STXBP6: variants seen among roughly 807,000 people sequenced by gnomAD.
The protein encoded by STXBP6 is syntaxin binding protein 6.
A neutral mutation model predicts 26.9 loss-of-function variants in STXBP6; 21 were observed. The ratio of observed to expected loss-of-function variants is 0.78; its 90% CI spans 0.55 to 1.12. The LOEUF is 1.12. Ranked by LOEUF, STXBP6 falls within the 50% of genes most tolerant of loss-of-function variation. STXBP6 has a pLI of 0.00. For missense variants in STXBP6, 232 were observed against 257.9 expected (o/e 0.90, Z 0.69); for synonymous variants, 97 against 92.6 (o/e 1.05, Z -0.27).
intron 4 of STXBP6, among the ~76,000 whole-genome samples, chr14:24,845,848 G>A (rs2068943478): frequency 6.6e-6 from 1 of 152,160 alleles, no homozygotes; most frequent in African/African-American, 2.4e-5. Context: ...CAGAGAAAGA[G>A]ATTTGAGGAT....
chr14:25,027,955 C>T (rs2075378136), intron 1 of STXBP6, among the ~76,000 whole-genome samples: 1 of 152,210 alleles, frequency 6.6e-6, no homozygotes, highest in Non-Finnish European at 1.5e-5. Flanking sequence ...CTCTAACTCT[C>T]TTCAATTCTA....
At chr14:24,842,661 CTCTTT>C (rs563001816) in intron 4 of STXBP6, among the ~76,000 whole-genome samples, 1 of 150,694 alleles carries the variant, frequency 6.6e-6, no homozygotes, top group African/African-American at 2.5e-5. Flanking sequence ...ACTTACTTTT[CTCTTT>C]TTTTTTTAAC....
At chr14:24,889,716 T>G (rs1812781828) in intron 2 of STXBP6, among the ~76,000 whole-genome samples, 1 of 151,996 alleles carries the variant, frequency 6.6e-6, no homozygotes, top group African/African-American at 2.4e-5. Context: ...CTCCCAAAAA[T>G]AGGGTTGGAA....
At chr14:24,950,909 G>GC (rs972175389) in intron 2 of STXBP6, among the ~76,000 whole-genome samples, 5 of 151,718 alleles carry the variant, frequency 3.3e-5, no homozygotes, top group African/African-American at 1.2e-4. Context: ...TTCCCGACAG[G>GC]CCCCCCGTGT....
intron 1 of STXBP6, among the ~76,000 whole-genome samples, chr14:25,007,265 C>T (rs1037483050): frequency 3.9e-5 from 6 of 152,178 alleles, no homozygotes; most frequent in African/African-American, 7.2e-5. Flanking sequence ...CATGTGTACA[C>T]GTAAGGGCTG....
At chr14:24,873,608 A>G (rs2070022516) in intron 2 of STXBP6, among the ~76,000 whole-genome samples, 1 of 152,210 alleles carries the variant, frequency 6.6e-6, no homozygotes. Flanking sequence ...CTCTGGACTC[A>G]AGCCATTGTG....
intron 1 of STXBP6, among the ~76,000 whole-genome samples, chr14:25,047,503 T>C (rs1031213321): frequency 6.6e-6 from 1 of 152,202 alleles, no homozygotes; most frequent in African/African-American, 2.4e-5. Context: ...CTCCATAAGT[T>C]AGTGATTCTA....
At chr14:24,965,443 T>C (rs1055052716) in intron 2 of STXBP6, among the ~76,000 whole-genome samples, 1 of 151,662 alleles carries the variant, frequency 6.6e-6, no homozygotes, top group South Asian at 2.1e-4. Context: ...AGGTGGTGTA[T>C]GGTCATTAAC....
At chr14:24,841,798 C>T (rs533576312) in intron 4 of STXBP6, among the ~76,000 whole-genome samples, 6 of 151,978 alleles carry the variant, frequency 3.9e-5, no homozygotes, top group South Asian at 2.1e-4. Flanking sequence ...AACATCTTAA[C>T]GTTTTTTCTA....
chr14:25,021,792 C>G (rs960619100), intron 1 of STXBP6, among the ~76,000 whole-genome samples: 4 of 152,266 alleles, frequency 2.6e-5, no homozygotes, highest in African/African-American at 9.6e-5. Flanking sequence ...TCTTTTCATT[C>G]TATACAAGGG....
intron 4 of STXBP6, among the ~76,000 whole-genome samples, chr14:24,829,959 T>C (rs1416341740): frequency 6.6e-6 from 1 of 152,156 alleles, no homozygotes; most frequent in Non-Finnish European, 1.5e-5. Flanking sequence ...TGTGATAGTA[T>C]ATTCAAGGGA....
intron 2 of STXBP6, among the ~76,000 whole-genome samples, chr14:24,874,469 G>C (rs1429885140): frequency 6.6e-6 from 1 of 152,008 alleles, no homozygotes; most frequent in Non-Finnish European, 1.5e-5. Context: ...TTATGCTATA[G>C]GGTCCATCCC....
chr14:25,000,836 C>T (rs1318806804), intron 1 of STXBP6, among the ~76,000 whole-genome samples: 1 of 150,694 alleles, frequency 6.6e-6, no homozygotes, highest in Non-Finnish European at 1.5e-5. Context: ...CTGAGTTTCC[C>T]TACTCAACCT....
chr14:25,017,219 C>T (rs755852979), intron 1 of STXBP6, among the ~76,000 whole-genome samples: 38 of 152,194 alleles, frequency 2.5e-4, no homozygotes, highest in Non-Finnish European at 4.3e-4. Context: ...CACTCCTCTA[C>T]GGCCGCCCCT....
At position 25,000,606 on chromosome 14, in the gene STXBP6, C is replaced by T. The variant is rs1466972607; in HGVS notation, c.-32-25756G>A. Among the ~76,000 whole-genome samples, 4 of 150,744 alleles carry T rather than the reference C, an allele frequency of 2.7e-5. No individual in the cohort carries two copies. The East Asian group carries it at 8.0e-4, about 30-fold the overall frequency. ...AAACCAGAACCTTCTTCCCTACAGCCACCCAAAAAACCTATAACTCTAACT... is the reference window on the plus strand; with the variant it reads ...AAACCAGAACCTTCTTCCCTACAGCTACCCAAAAAACCTATAACTCTAACT... On this transcript the variant is annotated intron_variant, in intron 1 of 5. Transcript: ENST00000323944.
chr14:24,892,605 C>A (rs1332559423), intron 2 of STXBP6, among the ~76,000 whole-genome samples: 1 of 152,126 alleles, frequency 6.6e-6, no homozygotes, highest in African/African-American at 2.4e-5. Context: ...CGCCCCCTCT[C>A]CATGTTGTCT....
intron 1 of STXBP6, among the ~76,000 whole-genome samples, chr14:25,029,586 T>G (rs2075413947): frequency 6.6e-6 from 1 of 152,144 alleles, no homozygotes; most frequent in Non-Finnish European, 1.5e-5. Flanking sequence ...GAACTGAACC[T>G]GCAATATCTC....
At chr14:24,987,299 G>C (rs2074357516) in intron 1 of STXBP6, among the ~76,000 whole-genome samples, 1 of 152,206 alleles carries the variant, frequency 6.6e-6, no homozygotes, top group African/African-American at 2.4e-5. Flanking sequence ...ACAGGACCTA[G>C]GTCTGAGCCT....
At chr14:25,015,394 C>T (rs112325543) in intron 1 of STXBP6, among the ~76,000 whole-genome samples, 272 of 152,120 alleles carry the variant, frequency 1.8e-3, no homozygotes, top group African/African-American at 6.4e-3. Flanking sequence ...ACCCAACCCA[C>T]AGTCTCCACC....
Sources: gnomAD v4.1 joint callset for allele counts (sites outside exome capture counted in the v4.1 genomes callset) on GRCh38, gnomAD v4.1.1 for gene constraint, MANE v1.5 for transcripts, NCBI Gene and HGNC (gene_info 2026-07-23, HGNC 2026-07-21) for gene names.